Variants in ABLIM1 observed in about 807,000 individuals in gnomAD.
The protein encoded by ABLIM1 is actin-binding LIM protein 1.
In ABLIM1, 40 loss-of-function variants were observed where a neutral mutation model predicts 107.0. The observed-to-expected ratio is 0.37, with a 90% CI of 0.29 to 0.49. ABLIM1 has a LOEUF of 0.49. ABLIM1 is among the 20% of genes least tolerant of loss of function. The pLI is 0.97. For missense variants in ABLIM1, 857 were observed against 1,008.5 expected (o/e 0.85, Z 2.04); for synonymous variants, 357 against 357.3 (o/e 1.00, Z 0.01).
intron 8 of ABLIM1, among the ~76,000 whole-genome samples, chr10:114,475,210 C>T (rs375249228): frequency 1.3e-5 from 2 of 152,172 alleles, no homozygotes; most frequent in Non-Finnish European, 2.9e-5. Flanking sequence ...AAAGCTGCCT[C>T]GGAGTTCTCA....
the ABLIM1 span, among the ~76,000 whole-genome samples, chr10:114,774,992 A>G: frequency 6.6e-6 from 1 of 152,160 alleles, no homozygotes; most frequent in African/African-American, 2.4e-5. Context: ...GAGTCTGGGT[A>G]GTTTATAAAG....
At chr10:114,506,091 C>G (rs937318423) in intron 6 of ABLIM1, among the ~76,000 whole-genome samples, 1 of 152,204 alleles carries the variant, frequency 6.6e-6, no homozygotes, top group Non-Finnish European at 1.5e-5. Context: ...ATGTTTAGCT[C>G]CTGCTCATAA....
chr10:114,488,105 C>A, intron 7 of ABLIM1, 89 bp from the exon 8 acceptor site: 2 of 1,324,688 alleles, frequency 1.5e-6, no homozygotes, highest in Non-Finnish European at 2.2e-6. Flanking sequence ...GGCTCCTATC[C>A]CTCTTTCCCC....
chr10:114,562,404 C>CTGTA (rs2069868594), intron 4 of ABLIM1, among the ~76,000 whole-genome samples: 1 of 152,110 alleles, frequency 6.6e-6, no homozygotes, highest in Non-Finnish European at 1.5e-5. Flanking sequence ...TGGCGGGCAC[C>CTGTA]TGTAGTCCCA....
chr10:114,613,787 C>T, intron 1 of ABLIM1: 2 of 1,267,278 alleles, frequency 1.6e-6, no homozygotes, highest in South Asian at 2.5e-5. Flanking sequence ...AACACCTAGG[C>T]TCCTGACTCC....
chr10:114,632,628 A>G (rs2078261462), intron 1 of ABLIM1: 2 of 985,316 alleles, frequency 2.0e-6, no homozygotes, highest in South Asian at 4.7e-5. Flanking sequence ...GTAGAGACTG[A>G]GAGACAGCCG....
chr10:114,503,750 G>GT (rs1450712656), intron 6 of ABLIM1, among the ~76,000 whole-genome samples: 1 of 152,154 alleles, frequency 6.6e-6, no homozygotes, highest in African/African-American at 2.4e-5. Flanking sequence ...TTCTCAAAGT[G>GT]TTTTTCTAAC....
intron 1 of ABLIM1, among the ~76,000 whole-genome samples, chr10:114,728,715 G>A (rs2082013406): frequency 2.0e-5 from 3 of 151,982 alleles, no homozygotes; most frequent in Non-Finnish European, 4.4e-5. Flanking sequence ...TACTCTAAAA[G>A]CATGATAGTG....
Position 114,760,404 on chromosome 10 carries a change from TCACACA to T in ABLIM1, c.-213+7651_-213+7656del, listed in dbSNP as rs3981296. On this transcript the variant is annotated intron_variant, in intron 1 of 15. Coordinates refer to the ABLIM1 transcript ENST00000651092. ...TCTCAGCAAGAAGAAAATTTCTCCT[TCACACA>T]CACACACACACACACACACACACAC... 8.0e-3 allele frequency among the ~76,000 whole-genome samples: 1,147 copies of T among 143,712 alleles called. 9 individuals are homozygous for T. Among genetic ancestry groups the T allele is most frequent in the African/African-American group, 0.014 (556 of 38,634 alleles). 94.3% of individuals were successfully genotyped at this position (143,712 alleles called of 152,430 possible).
chr10:114,584,085 C>T (rs80038961), intron 2 of ABLIM1, among the ~76,000 whole-genome samples: 7,243 of 151,734 alleles, frequency 0.048, 216 homozygotes, highest in East Asian at 0.082. Context: ...ACCCATGTAG[C>T]AAACCTGCAC....
rs562371807 is a variant in ABLIM1, at chr10:114,619,259, C to T, written c.245-17298G>A. On this transcript the variant is annotated intron_variant, in intron 1 of 22. Transcript: ENST00000533213. This position sits in a 1 kb window ranked among gnomAD's most constrained non-coding sequence, Gnocchi z 4.1. ...TCACCCAGGCTGGAGCGCAGTGGCA[C>T]GATCTTAGCTCACTGCAACGTCCAC... 2.0e-5 allele frequency among the ~76,000 whole-genome samples: 3 copies of T among 150,808 alleles called. No individual in the cohort carries two copies. The highest frequency in any genetic ancestry group is 2.1e-4 in the South Asian group (1 of 4,752).
chr10:114,513,863 T>C (rs1001695974), intron 6 of ABLIM1, among the ~76,000 whole-genome samples: 1 of 152,170 alleles, frequency 6.6e-6, no homozygotes, highest in Non-Finnish European at 1.5e-5. Flanking sequence ...TTATTGACTA[T>C]TAAGATGTGC....
chr10:114,491,000 G>A (rs1299082557), intron 7 of ABLIM1, among the ~76,000 whole-genome samples: 3 of 81,918 alleles, frequency 3.7e-5, no homozygotes, highest in African/African-American at 7.6e-5. Flanking sequence ...GTGTGTGTGT[G>A]TGTGTGTGTG....
chr10:114,556,614 G>A (rs1315780731), intron 4 of ABLIM1, among the ~76,000 whole-genome samples: 1 of 152,156 alleles, frequency 6.6e-6, no homozygotes, highest in Non-Finnish European at 1.5e-5. Flanking sequence ...CATCTTTGAG[G>A]CAGAAATGAT....
the ABLIM1 span, among the ~76,000 whole-genome samples, chr10:114,777,659 C>G: frequency 1.2e-4 from 18 of 152,140 alleles, no homozygotes; most frequent in Non-Finnish European, 2.4e-4. Context: ...ACCCAAGCAT[C>G]AGCATATGCT....
the ABLIM1 span, among the ~76,000 whole-genome samples, chr10:114,782,635 T>C: frequency 6.6e-6 from 1 of 152,152 alleles, no homozygotes; most frequent in Non-Finnish European, 1.5e-5. Flanking sequence ...TTAAAGACTT[T>C]AAGCAGACAA....
intron 1 of ABLIM1, among the ~76,000 whole-genome samples, chr10:114,748,659 CTTT>C (rs1290803247): frequency 1.6e-5 from 2 of 121,552 alleles, no homozygotes; most frequent in Admixed American, 8.3e-5. Context: ...TTTTTTTTTT[CTTT>C]TTTTTTTTTT....
chr10:114,468,984 G>A (rs926770569), intron 10 of ABLIM1, among the ~76,000 whole-genome samples: 3 of 146,862 alleles, frequency 2.0e-5, no homozygotes, highest in Non-Finnish European at 3.0e-5. Flanking sequence ...CCCGGAAGGC[G>A]AAGCTTGCAG....
the ABLIM1 span, among the ~76,000 whole-genome samples, chr10:114,794,426 T>G: frequency 6.6e-6 from 1 of 152,172 alleles, no homozygotes; most frequent in African/African-American, 2.4e-5. Context: ...TCAGTAAGTT[T>G]TGCTGAATGA....
Sources: allele counts gnomAD v4.1 joint callset (sites outside exome capture counted in the v4.1 genomes callset), GRCh38; gene constraint gnomAD v4.1.1; non-coding constraint Gnocchi (gnomAD v3.1); transcripts MANE v1.5; gene names NCBI Gene and HGNC (gene_info 2026-07-23, HGNC 2026-07-21).